The following ARID4B variants were observed in gnomAD, a reference collection of about 807,000 sequenced individuals.
ARID4B encodes the protein AT-rich interactive domain-containing protein 4B.
In ARID4B, 26 loss-of-function variants were observed where a neutral mutation model predicts 147.5. The observed-to-expected ratio is 0.18, with a 90% confidence interval of 0.13 to 0.24. The LOEUF (loss-of-function observed/expected upper bound fraction) is 0.24, where lower values mean the gene tolerates loss of function less well. ARID4B is among the 10% of genes least tolerant of loss of function. The pLI is 1.00. For synonymous variants in ARID4B, 512 were observed against 507.9 expected, an observed-to-expected ratio of 1.01 and a Z score of -0.11; for missense variants, 1,179 against 1,511.5, an observed-to-expected ratio of 0.78 and a Z score of 3.65.
intron 5 of ARID4B, among the ~76,000 whole-genome samples, chr1:235,254,746 A>C (rs1242620102): frequency 6.6e-6 from 1 of 151,948 alleles, no homozygotes; most frequent in Non-Finnish European, 1.5e-5. Context: ...CTCAAGAGAA[A>C]AAGGGAAAGA....
chr1:235,202,778 G>C (rs905667716), intron 17 of ARID4B, among the ~76,000 whole-genome samples: 2 of 151,870 alleles, frequency 1.3e-5, no homozygotes, highest in African/African-American at 4.8e-5. Flanking sequence ...TTGAACTCCT[G>C]ACCTTAGGTG....
chr1:235,237,505 T>C (rs1300985966), intron 8 of ARID4B, among the ~76,000 whole-genome samples: 1 of 152,208 alleles, frequency 6.6e-6, no homozygotes, highest in Non-Finnish European at 1.5e-5. Flanking sequence ...TGACATTTAC[T>C]GCATATTTAA....
intron 2 of ARID4B, among the ~76,000 whole-genome samples, chr1:235,305,510 T>C (rs1460918253): frequency 1.3e-5 from 2 of 152,134 alleles, no homozygotes; most frequent in Non-Finnish European, 2.9e-5. Context: ...TAGTAGGAGC[T>C]CTGGTTTGAA....
intron 16 of ARID4B, among the ~76,000 whole-genome samples, chr1:235,215,328 GGTTTT>G (rs1408544773): frequency 6.6e-6 from 1 of 151,864 alleles, no homozygotes; most frequent in Non-Finnish European, 1.5e-5. Flanking sequence ...CATTTAGTCT[GGTTTT>G]ATTTGCTGTC....
chr1:235,197,053 A>G (rs1237791930), intron 17 of ARID4B, among the ~76,000 whole-genome samples: 1 of 152,096 alleles, frequency 6.6e-6, no homozygotes, highest in Non-Finnish European at 1.5e-5. Context: ...TCTTGATTCA[A>G]TGCTGATGGT....
chr1:235,296,841 GGA>G (rs753358437), intron 2 of ARID4B, among the ~76,000 whole-genome samples: 1 of 49,898 alleles, frequency 2.0e-5, no homozygotes, highest in African/African-American at 9.1e-5. Flanking sequence ...AAGGAAGGGA[GGA>G]AGGAGGGAGG....
rs199936355 is a variant in ARID4B, at chr1:235,277,546, A to AT, written c.7-16795_7-16794insA. 3.0e-3 allele frequency among the ~76,000 whole-genome samples: 418 copies of AT among 141,280 alleles called. 7 individuals carry two copies. Among genetic ancestry groups the AT allele is most frequent in the African/African-American group, 9.9e-3 (375 of 37,904 alleles). 92.7% of individuals were successfully genotyped at this position (141,280 alleles called of 152,430 possible). On this transcript the variant is annotated intron_variant, in intron 2 of 23. Transcript: ENST00000264183. ...AGCGAGACTCCGTCTCAAAAAAAAA[A>AT]AAAAATAATAATAATAATGTAAATG...
At chr1:235,285,797 A>G (rs1156267279) in intron 2 of ARID4B, among the ~76,000 whole-genome samples, 1 of 152,234 alleles carries the variant, frequency 6.6e-6, no homozygotes, top group African/African-American at 2.4e-5. Flanking sequence ...CATTAGCAAC[A>G]ATCAGAAATT....
At chr1:235,303,010 G>A (rs1022595763) in intron 2 of ARID4B, among the ~76,000 whole-genome samples, 3 of 151,258 alleles carry the variant, frequency 2.0e-5, no homozygotes, top group African/African-American at 4.8e-5. Flanking sequence ...TGCAAGCTCC[G>A]CCTCCCGGGT....
At chr1:235,280,912 G>T (rs748185200) in intron 2 of ARID4B, among the ~76,000 whole-genome samples, 11 of 151,704 alleles carry the variant, frequency 7.3e-5, no homozygotes, top group Non-Finnish European at 1.2e-4. Context: ...TTGGGTGAGC[G>T]CTAATTCTCA....
At position 235,221,632 on chromosome 1, in the gene ARID4B, A is replaced by G; in HGVS notation, c.1096T>C (p.Tyr366His). 1 of 1,611,374 alleles carries G rather than the reference A, an allele frequency of 6.2e-7. No homozygotes were observed. The highest frequency in any genetic ancestry group is 8.5e-7 in the Non-Finnish European group (1 of 1,178,328). The part of the protein sequence containing the change: ...IESGAVWKQV[Y>H]QDLGIPVLNS... ...AAGACAGGGATTCCAAGATCTTGGT[A>G]GACTTGTTTCCAAACAGCTCCACTT... is the stretch of plus-strand genomic sequence containing the variant. Residue 366 changes from tyrosine to histidine, a missense_variant, in exon 14 of 24, where the codon TAC becomes CAC. Transcript: ENST00000264183.
At chr1:235,231,237 G>T (rs189058869) in intron 9 of ARID4B, 48 bp from the exon 10 acceptor site, 3 of 972,126 alleles carry the variant, frequency 3.1e-6, no homozygotes, top group South Asian at 1.6e-5. Flanking sequence ...CCCAAAATAT[G>T]ACTGAGATTA....
At position 235,223,063 on chromosome 1, in the gene ARID4B, A is replaced by G. The variant is rs181783881; in HGVS notation, c.1065+103T>C. 12 of 742,634 alleles carry G rather than the reference A, an allele frequency of 1.6e-5. No individual in the cohort carries two copies. The Admixed American group carries it at 4.0e-4, about 25-fold the overall frequency. The allele number at this position is 742,634 out of a possible 1,614,324, so 46.0% of individuals were successfully genotyped here. A position where few individuals can be genotyped will look rare whatever the true frequency, so the allele number is the denominator to read the frequency against. ...TTATCTTCTTCTTAGGTTTTTACTG[A>G]AAAACTTTGTTTTGTTGTTTAGAAA... On this transcript the variant is annotated intron_variant, in intron 13 of 23. Transcript: ENST00000264183.
intron 2 of ARID4B, among the ~76,000 whole-genome samples, chr1:235,290,504 T>C (rs928758588): frequency 6.6e-6 from 1 of 152,102 alleles, no homozygotes; most frequent in Admixed American, 6.6e-5. Flanking sequence ...CAGATACTCT[T>C]ACAGATGTAT....
At chr1:235,236,858 A>ATTTTTTTT (rs1240653310) in intron 8 of ARID4B, among the ~76,000 whole-genome samples, 1 of 26,376 alleles carries the variant, frequency 3.8e-5, no homozygotes, top group Non-Finnish European at 7.4e-5. Context: ...ATATATATAT[A>ATTTTTTTT]TATATTTTTT....
At chr1:235,268,729 G>A (rs1417624212) in intron 2 of ARID4B, among the ~76,000 whole-genome samples, 2 of 152,022 alleles carry the variant, frequency 1.3e-5, no homozygotes, top group Non-Finnish European at 2.9e-5. Flanking sequence ...TGTTGGTCAG[G>A]CTGGTCTCAA....
intron 17 of ARID4B, among the ~76,000 whole-genome samples, chr1:235,198,854 C>G (rs887894332): frequency 6.6e-6 from 1 of 152,238 alleles, no homozygotes; most frequent in Non-Finnish European, 1.5e-5. Flanking sequence ...AATCCCAGCA[C>G]TTTGGAAGGC....
At chr1:235,284,570 C>T (rs1671856435) in intron 2 of ARID4B, among the ~76,000 whole-genome samples, 2 of 152,162 alleles carry the variant, frequency 1.3e-5, no homozygotes, top group South Asian at 4.1e-4. Context: ...TGGCTATAAT[C>T]CCAGCTACTT....
At chr1:235,268,563 C>G (rs59533402) in intron 2 of ARID4B, among the ~76,000 whole-genome samples, 6,084 of 152,140 alleles carry the variant, frequency 0.04, 456 homozygotes, top group African/African-American at 0.14. Context: ...GAGTCTTGCT[C>G]TGTTGCCCAG....
Sources: gnomAD v4.1 joint callset for allele counts (sites outside exome capture counted in the v4.1 genomes callset) on GRCh38, gnomAD v4.1.1 for gene constraint, MANE v1.5 for transcripts, NCBI Gene and HGNC (gene_info 2026-07-23, HGNC 2026-07-21) for gene names.